The following XRCC4 variants were observed in gnomAD, a reference collection of about 807,000 sequenced individuals.
The protein encoded by XRCC4 is DNA repair protein XRCC4.
In XRCC4, 28 loss-of-function variants were observed where a neutral mutation model predicts 39.1. That is an observed-to-expected ratio of 0.72 (90% CI 0.53 to 0.98). XRCC4 has a LOEUF of 0.98. Ranked by LOEUF, XRCC4 falls within the 50% of genes least tolerant of loss-of-function variation. XRCC4 has a pLI of 0.00. For missense variants in XRCC4, 350 were observed against 376.4 expected, an observed-to-expected ratio of 0.93 and a Z score of 0.58; for synonymous variants, 123 against 126.4, an observed-to-expected ratio of 0.97 and a Z score of 0.18.
chr5:83,305,779 G>A (rs1222676670), intron 7 of XRCC4, among the ~76,000 whole-genome samples: 1 of 152,122 alleles, frequency 6.6e-6, no homozygotes, highest in Non-Finnish European at 1.5e-5. Flanking sequence ...TTTACTCTCT[G>A]ACTGTAGCTA....
chr5:83,233,501 G>A (rs1752570702), intron 6 of XRCC4, among the ~76,000 whole-genome samples: 1 of 151,942 alleles, frequency 6.6e-6, no homozygotes, highest in African/African-American at 2.4e-5. Flanking sequence ...CTTATTGGGG[G>A]AACCCATTCT....
At chr5:83,305,151 C>G (rs301283) in intron 7 of XRCC4, among the ~76,000 whole-genome samples, 136,476 of 152,108 alleles carry the variant, frequency 0.9, 61,281 homozygotes, top group East Asian at 0.94. Flanking sequence ...AAGTTGAGAA[C>G]ATAGTACAGA....
At chr5:83,108,326 A>G (rs748257277) in intron 2 of XRCC4, among the ~76,000 whole-genome samples, 1 of 151,958 alleles carries the variant, frequency 6.6e-6, no homozygotes, top group Non-Finnish European at 1.5e-5. Flanking sequence ...TCAGATTTCC[A>G]TGTTTACTTT....
intron 3 of XRCC4, among the ~76,000 whole-genome samples, chr5:83,171,793 A>C (rs1272627686): frequency 1.3e-5 from 2 of 152,124 alleles, no homozygotes; most frequent in African/African-American, 4.8e-5. Flanking sequence ...ACATGATTGC[A>C]TTTCAGTTTC....
At chr5:83,313,240 G>A (rs185681844) in intron 7 of XRCC4, among the ~76,000 whole-genome samples, 5 of 151,964 alleles carry the variant, frequency 3.3e-5, no homozygotes, top group East Asian at 1.9e-4. Flanking sequence ...ACTTTCTTAC[G>A]TATCCTTTAG....
intron 3 of XRCC4, among the ~76,000 whole-genome samples, chr5:83,159,130 T>C (rs1035890374): frequency 6.6e-6 from 1 of 152,122 alleles, no homozygotes; most frequent in Non-Finnish European, 1.5e-5. Flanking sequence ...CAATCATTGG[T>C]TTGAGGTAGT....
chr5:83,347,517 T>A lies in XRCC4; in HGVS notation c.894-5614T>A, dbSNP rs543074276. Among the ~76,000 whole-genome samples, 7 of 152,202 alleles carry A rather than the reference T, an allele frequency of 4.6e-5. No homozygotes were observed. The East Asian group carries it at 1.4e-3, about 29-fold the overall frequency. Reference sequence around the variant, plus strand: ...GGAAGTGCTACACACTTTTAAACAATGAGATCTCATGAGAACTCACACACT... The same window carrying A: ...GGAAGTGCTACACACTTTTAAACAAAGAGATCTCATGAGAACTCACACACT... On this transcript the variant is annotated intron_variant, in intron 7 of 7. Transcript: ENST00000396027.
At chr5:83,209,083 A>AGTGTGTGTGTGTGTGTGT (rs35019637) in intron 6 of XRCC4, among the ~76,000 whole-genome samples, 10 of 143,586 alleles carry the variant, frequency 7.0e-5, no homozygotes. Flanking sequence ...CTCCAAAGTG[A>AGTGTGTGTGTGTGTGTGT]GTGTGTGTGT....
chr5:83,334,880 C>A (rs903941431), intron 7 of XRCC4, among the ~76,000 whole-genome samples: 8 of 151,810 alleles, frequency 5.3e-5, no homozygotes, highest in Non-Finnish European at 8.8e-5. Flanking sequence ...TGAAATCTTA[C>A]TCTTCTTAAG....
intron 1 of XRCC4, among the ~76,000 whole-genome samples, chr5:83,098,568 A>C (rs773074058): frequency 6.6e-6 from 1 of 152,074 alleles, no homozygotes; most frequent in African/African-American, 2.4e-5. Context: ...TAACTCAAAA[A>C]TATTATTTTA....
At chr5:83,146,943 A>T (rs149453571) in intron 3 of XRCC4, among the ~76,000 whole-genome samples, 2,272 of 152,320 alleles carry the variant, frequency 0.015, 73 homozygotes, top group African/African-American at 0.052. Flanking sequence ...AGTATCAAAG[A>T]TATTTGCTGG....
chr5:83,147,605 TAGG>T (rs907810684), intron 3 of XRCC4, among the ~76,000 whole-genome samples: 1 of 151,910 alleles, frequency 6.6e-6, no homozygotes, highest in African/African-American at 2.4e-5. Context: ...CAATTTCAAT[TAGG>T]AGAAATAAAT....
chr5:83,250,414 A>G (rs2112871966), intron 6 of XRCC4, among the ~76,000 whole-genome samples: 1 of 152,324 alleles, frequency 6.6e-6, no homozygotes, highest in Non-Finnish European at 1.5e-5. Context: ...TTCCATTAGT[A>G]TTTAAGAATT....
intron 7 of XRCC4, among the ~76,000 whole-genome samples, chr5:83,297,055 T>C (rs1239348403): frequency 6.6e-6 from 1 of 151,866 alleles, no homozygotes; most frequent in African/African-American, 2.4e-5. Flanking sequence ...GGAGATAATA[T>C]TATTAACAGA....
In XRCC4 at chr5:83,126,589, A is replaced by C. The variant is rs560356593; in HGVS notation, c.315+15386A>C. On this transcript the variant is annotated intron_variant, in intron 3 of 7. Transcript: ENST00000396027. Reference sequence around the variant, plus strand: ...CCCCCACAAAGTCAATGCCCAGGGGAACTGTGGGGTATAAGCTGCTACTGA... The same window carrying C: ...CCCCCACAAAGTCAATGCCCAGGGGCACTGTGGGGTATAAGCTGCTACTGA... 3.1e-3 allele frequency among the ~76,000 whole-genome samples: 472 copies of C among 152,198 alleles called. 1 individual carries two copies. The highest frequency in any genetic ancestry group is 4.9e-3 in the Non-Finnish European group (336 of 68,004).
At chr5:83,289,988 C>T (rs1188950491) in intron 7 of XRCC4, among the ~76,000 whole-genome samples, 1 of 151,798 alleles carries the variant, frequency 6.6e-6, no homozygotes, top group Non-Finnish European at 1.5e-5. Flanking sequence ...CCAGGAGTTT[C>T]TCACTCTCAT....
chr5:83,229,504 C>G (rs1328515913), intron 6 of XRCC4, among the ~76,000 whole-genome samples: 1 of 151,574 alleles, frequency 6.6e-6, no homozygotes, highest in Non-Finnish European at 1.5e-5. Flanking sequence ...GCTATCCACC[C>G]TGCTCTGAAT....
chr5:83,111,225 G>A, intron 3 of XRCC4, 22 bp downstream of exon 3: 7 of 1,539,274 alleles, frequency 4.5e-6, no homozygotes, highest in Non-Finnish European at 6.1e-6. Flanking sequence ...TTTCCAAAAT[G>A]TTACATAGTA....
At chr5:83,313,152 C>T (rs1755764777) in intron 7 of XRCC4, among the ~76,000 whole-genome samples, 1 of 150,394 alleles carries the variant, frequency 6.6e-6, no homozygotes, top group South Asian at 2.1e-4. Context: ...TATAGAAAAA[C>T]CATAAATTGA....
Sources: gnomAD v4.1 joint callset for allele counts (sites outside exome capture counted in the v4.1 genomes callset) on GRCh38, gnomAD v4.1.1 for gene constraint, MANE v1.5 for transcripts, NCBI Gene and HGNC (gene_info 2026-07-23, HGNC 2026-07-21) for gene names.